The following STXBP5L variants were observed in gnomAD, a reference collection of about 807,000 sequenced individuals.
The protein encoded by STXBP5L is syntaxin-binding protein 5-like.
A neutral mutation model predicts 144.5 loss-of-function variants in STXBP5L; 65 were observed. The observed-to-expected ratio is 0.45, with a 90% CI of 0.37 to 0.55. The LOEUF is 0.55. Among genes scored for constraint, STXBP5L ranks in the 20% least tolerant of loss-of-function variants. STXBP5L has a pLI of 0.00. For synonymous variants in STXBP5L, 505 were observed against 469.6 expected (o/e 1.08, Z -0.97); for missense variants, 1,298 against 1,405.5 (o/e 0.92, Z 1.22).
At chr3:121,114,133 G>C (rs1393953570) in intron 5 of STXBP5L, among the ~76,000 whole-genome samples, 1 of 152,088 alleles carries the variant, frequency 6.6e-6, no homozygotes, top group Non-Finnish European at 1.5e-5. Flanking sequence ...GGCCAAACTA[G>C]AAGGAGTGAT....
chr3:121,151,486 G>A (rs2045929762), intron 7 of STXBP5L, among the ~76,000 whole-genome samples: 1 of 152,088 alleles, frequency 6.6e-6, no homozygotes, highest in Non-Finnish European at 1.5e-5. Flanking sequence ...CTCATTGTAA[G>A]ATGTCGAGAT....
chr3:121,189,253 T>C (rs1270763547), intron 9 of STXBP5L, among the ~76,000 whole-genome samples: 1 of 152,218 alleles, frequency 6.6e-6, no homozygotes, highest in Non-Finnish European at 1.5e-5. Context: ...ATTTTGGCTT[T>C]TGTTGCCATT....
chr3:120,986,917 A>G (rs544533791), intron 3 of STXBP5L, among the ~76,000 whole-genome samples: 17 of 152,128 alleles, frequency 1.1e-4, no homozygotes, highest in African/African-American at 2.6e-4. Flanking sequence ...AAGGTGGAAC[A>G]TAAGTGAATG....
chr3:121,241,562 T>G (rs1031021346), intron 14 of STXBP5L, among the ~76,000 whole-genome samples: 2 of 152,064 alleles, frequency 1.3e-5, no homozygotes, highest in African/African-American at 2.4e-5. Flanking sequence ...AGTAGGGAGC[T>G]GGGGCTTTGA....
intron 3 of STXBP5L, among the ~76,000 whole-genome samples, chr3:120,993,070 G>A (rs888734880): frequency 3.3e-5 from 5 of 152,060 alleles, no homozygotes; most frequent in Middle Eastern, 3.4e-3. Context: ...AGCATTTTTC[G>A]TGTGCCTTTT....
intron 15 of STXBP5L, among the ~76,000 whole-genome samples, chr3:121,251,082 T>C (rs980970910): frequency 2.0e-5 from 3 of 152,200 alleles, no homozygotes; most frequent in Non-Finnish European, 4.4e-5. Flanking sequence ...TCCTTCACCC[T>C]CTACCTGTGT....
At chr3:121,239,166 A>G (rs757747266) in intron 13 of STXBP5L, 48 bp downstream of exon 13, 19 of 1,122,326 alleles carry the variant, frequency 1.7e-5, no homozygotes, top group Non-Finnish European at 2.4e-5. Flanking sequence ...ATATCACATG[A>G]TCATACTTTT....
rs529036462 is a variant in STXBP5L at position 121,162,724 on chromosome 3, G to GA, written c.877+5104dup. 2.2e-3 allele frequency among the ~76,000 whole-genome samples: 341 copies of GA among 151,914 alleles called. 1 individual carries two copies. Among genetic ancestry groups the GA allele is most frequent in the African/African-American group, 7.1e-3 (293 of 41,460 alleles). ...ACAAGGAATTTAAACACATTTACAA[G>GA]AAAAAAATCAAACAACCCCATCAAA... On this transcript the variant is annotated intron_variant, in intron 9 of 26. Transcript: ENST00000471454.
chr3:121,035,512 T>C (rs1946687505), intron 3 of STXBP5L, among the ~76,000 whole-genome samples: 1 of 152,166 alleles, frequency 6.6e-6, no homozygotes, highest in Non-Finnish European at 1.5e-5. Context: ...AAGTATCAGT[T>C]GGGTGTAGAT....
At chr3:121,076,683 A>G (rs1030677558) in intron 5 of STXBP5L, among the ~76,000 whole-genome samples, 5 of 152,110 alleles carry the variant, frequency 3.3e-5, no homozygotes, top group African/African-American at 9.7e-5. Flanking sequence ...ACCTTAAGAG[A>G]TGGCCAGTCT....
At chr3:120,940,319 AG>A (rs1187652573) in intron 2 of STXBP5L, among the ~76,000 whole-genome samples, 1 of 151,536 alleles carries the variant, frequency 6.6e-6, no homozygotes, top group Non-Finnish European at 1.5e-5. Context: ...GGAGAATTTA[AG>A]TGGAAGTACT....
chr3:121,319,366 A>T (rs2043894115), intron 20 of STXBP5L, among the ~76,000 whole-genome samples: 2 of 152,162 alleles, frequency 1.3e-5, no homozygotes, highest in Admixed American at 1.3e-4. Context: ...TAAAGCAACG[A>T]ATTTGGACTT....
At chr3:121,331,602 G>C (rs1410224610) in intron 20 of STXBP5L, among the ~76,000 whole-genome samples, 1 of 152,142 alleles carries the variant, frequency 6.6e-6, no homozygotes, top group Non-Finnish European at 1.5e-5. Flanking sequence ...GAGGAGCTGA[G>C]GTAGCTCTCT....
At chr3:121,370,695 G>T (rs1281039433) in intron 20 of STXBP5L, among the ~76,000 whole-genome samples, 1 of 152,112 alleles carries the variant, frequency 6.6e-6, no homozygotes, top group Non-Finnish European at 1.5e-5. Flanking sequence ...CAGAGGTTTT[G>T]TTCATTCATT....
At chr3:121,343,103 G>A in intron 20 of STXBP5L, among the ~76,000 whole-genome samples, 1 of 152,114 alleles carries the variant, frequency 6.6e-6, no homozygotes, top group Non-Finnish European at 1.5e-5. Flanking sequence ...GCCAGTGATG[G>A]TGAGCATTTT....
rs565754567 is a variant in STXBP5L at position 121,028,329 on chromosome 3, A to G, written c.288-13371A>G. On this transcript the variant is annotated intron_variant, in intron 3 of 26. Coordinates refer to ENST00000471454, the MANE Select transcript of STXBP5L (RefSeq NM_001308330.2). ...ATTTTTGCAGTATTTTCTTTTCTCT[A>G]GTTGATATTATTAGTAATGGAAAAA... is the stretch of plus-strand genomic sequence containing the variant. Among the ~76,000 whole-genome samples, 11 of 152,118 alleles carry G rather than the reference A, an allele frequency of 7.2e-5. No homozygotes were observed. In the South Asian group the frequency reaches 2.1e-3, roughly 29 times the overall value.
rs1450449113 is a variant in STXBP5L, at chr3:121,020,391, C to G, written c.288-21309C>G. ...CAGCCTTGCTAGAGATCTAGACATC[C>G]AAATACGAGAAGCTCAAAGAACACC... is the stretch of plus-strand genomic sequence containing the variant. On this transcript the variant is annotated intron_variant, in intron 3 of 26. Coordinates refer to ENST00000471454, the MANE Select transcript of STXBP5L (RefSeq NM_001308330.2). Among the ~76,000 whole-genome samples, 3 of 152,062 alleles carry G rather than the reference C, an allele frequency of 2.0e-5. No individual in the cohort carries two copies. The South Asian group carries it at 6.2e-4, about 32-fold the overall frequency.
chr3:121,117,327 G>T (rs1271126669), intron 6 of STXBP5L, among the ~76,000 whole-genome samples: 1 of 151,730 alleles, frequency 6.6e-6, no homozygotes. Context: ...AAATATCTCT[G>T]AGAAATTATT....
chr3:121,350,278 A>G (rs2045218540), intron 20 of STXBP5L, among the ~76,000 whole-genome samples: 1 of 152,116 alleles, frequency 6.6e-6, no homozygotes, highest in Non-Finnish European at 1.5e-5. Context: ...AGAATGTTGA[A>G]TATTGGCCTC....
Sources: gnomAD v4.1 joint callset for allele counts (sites outside exome capture counted in the v4.1 genomes callset) on GRCh38, gnomAD v4.1.1 for gene constraint, MANE v1.5 for transcripts, NCBI Gene and HGNC (gene_info 2026-07-23, HGNC 2026-07-21) for gene names.